PCNX1: variants seen among roughly 807,000 people sequenced by gnomAD.
PCNX1 encodes the protein pecanex-like protein 1.
Under a neutral mutation model 242.2 loss-of-function variants are expected in PCNX1, and 78 were observed. The observed-to-expected ratio is 0.32, with a 90% confidence interval of 0.27 to 0.39. The LOEUF is 0.39. Ranked by LOEUF, PCNX1 falls within the 10% of genes least tolerant of loss-of-function variation. PCNX1 has a pLI of 1.00. For synonymous variants in PCNX1, 1,024 were observed against 1,032.9 expected (o/e 0.99, Z 0.17); for missense variants, 2,581 against 2,856.5 (o/e 0.90, Z 2.20).
chr14:70,967,944 G>C (rs145343208), intron 3 of PCNX1, among the ~76,000 whole-genome samples: 1,694 of 152,132 alleles, frequency 0.011, 14 homozygotes, highest in South Asian at 0.017. Context: ...GCTCTGGGGG[G>C]GCTCCGTCAG....
intron 32 of PCNX1, among the ~76,000 whole-genome samples, chr14:71,104,349 G>A (rs535604314): frequency 1.1e-4 from 16 of 152,040 alleles, no homozygotes; most frequent in African/African-American, 2.4e-4. Flanking sequence ...TTCAATCTCC[G>A]CCCAAACAGA....
chr14:70,957,403 C>G (rs2058036884), intron 2 of PCNX1, among the ~76,000 whole-genome samples: 1 of 152,044 alleles, frequency 6.6e-6, no homozygotes, highest in Admixed American at 6.6e-5. Flanking sequence ...ACTGGATAAA[C>G]AAATGTGGTT....
rs376665388 is a variant in PCNX1 at position 70,916,840 on chromosome 14, G to A, written c.153+8837G>A. On this transcript the variant is annotated intron_variant, in intron 1 of 35. Coordinates refer to ENST00000304743, the MANE Select transcript of PCNX1 (RefSeq NM_014982.3). ...CTTTTCATGAAAGATTTATCTGTACGTGTAATGCTGCTTGATAGCGTTTTA... is the reference window on the plus strand; with the variant it reads ...CTTTTCATGAAAGATTTATCTGTACATGTAATGCTGCTTGATAGCGTTTTA... Among the ~76,000 whole-genome samples the A allele has an allele frequency of 5.2e-4, 79 of 152,262 alleles. 1 individual carries two copies. In the South Asian group the frequency reaches 0.015, roughly 28 times the overall value.
intron 11 of PCNX1, 115 bp from the exon 12 acceptor site, chr14:71,018,894 A>G (rs1484577893): frequency 1.2e-6 from 1 of 848,406 alleles, no homozygotes; most frequent in African/African-American, 1.7e-5. Flanking sequence ...CTCAGTACCA[A>G]AAAGACATCT....
At chr14:70,931,310 A>G (rs1216945951) in intron 1 of PCNX1, among the ~76,000 whole-genome samples, 1 of 152,254 alleles carries the variant, frequency 6.6e-6, no homozygotes, top group African/African-American at 2.4e-5. Flanking sequence ...CCAATTGGCC[A>G]TCTTAAGAGC....
At chr14:71,043,608 G>A (rs1042554254) in intron 19 of PCNX1, among the ~76,000 whole-genome samples, 2 of 145,646 alleles carry the variant, frequency 1.4e-5, no homozygotes, top group African/African-American at 5.1e-5. Context: ...CTAATCTATT[G>A]TTGAAGTTCT....
At chr14:71,099,599 A>G (rs532955234) in intron 30 of PCNX1, among the ~76,000 whole-genome samples, 144 of 152,298 alleles carry the variant, frequency 9.5e-4, no homozygotes, top group African/African-American at 2.9e-3. Flanking sequence ...ATTAGATCCA[A>G]TTGGCCAAGT....
intron 1 of PCNX1, among the ~76,000 whole-genome samples, chr14:70,919,120 A>G (rs528520995): frequency 3.9e-5 from 6 of 152,056 alleles, no homozygotes; most frequent in Admixed American, 2.6e-4. Flanking sequence ...CTGGCCTCAA[A>G]TGATCATTCT....
intron 6 of PCNX1, among the ~76,000 whole-genome samples, chr14:70,984,047 A>C (rs2140194832): frequency 6.6e-6 from 1 of 151,514 alleles, no homozygotes; most frequent in African/African-American, 2.4e-5. Context: ...TGTGTTTCAG[A>C]ATGTTTGCAG....
chr14:71,026,060 A>T, intron 13 of PCNX1, 57 bp from the exon 14 acceptor site: 1 of 1,090,132 alleles, frequency 9.2e-7, no homozygotes, highest in Non-Finnish European at 1.3e-6. Flanking sequence ...TGATACCAGT[A>T]GTTATTTGTG....
At chr14:70,908,668 C>T (rs2139968991) in intron 1 of PCNX1, among the ~76,000 whole-genome samples, 1 of 152,344 alleles carries the variant, frequency 6.6e-6, no homozygotes, top group African/African-American at 2.4e-5. Context: ...CTCTGTTCGG[C>T]CCCGTGGCCG....
At chr14:70,962,435 G>T in intron 3 of PCNX1, 104 bp downstream of exon 3, 11 of 637,690 alleles carry the variant, frequency 1.7e-5, no homozygotes, top group African/African-American at 3.7e-5. Context: ...ATATCTTTCT[G>T]ATTATTATTT....
intron 19 of PCNX1, among the ~76,000 whole-genome samples, chr14:71,036,668 CCT>C (rs1335634924): frequency 2.6e-5 from 4 of 152,148 alleles, no homozygotes; most frequent in African/African-American, 9.7e-5. Flanking sequence ...GATGACATTG[CCT>C]AAACACACAT....
chr14:70,967,681 GTACT>G (rs749624123), intron 3 of PCNX1, among the ~76,000 whole-genome samples: 5 of 152,094 alleles, frequency 3.3e-5, no homozygotes, highest in Non-Finnish European at 1.5e-5. Flanking sequence ...CTATAAAGAA[GTACT>G]TACTTTTGTC....
At position 71,036,066 on chromosome 14, in the gene PCNX1, G is replaced by A; in HGVS notation, c.3776G>A (p.Ser1259Asn). ...PLPEKLRNSV[S>N]ERLQSDLVVC... ...AATAATTCTTTTTTTTCCCCACAGA[G>A]TGAGCGATTACAGTCTGACCTGGTA... Residue 1259 changes from serine to asparagine, a missense_variant and splice_region_variant, in exon 19 of 36, where the codon AGT becomes AAT. Physicochemically the swap from Ser to Asn is conservative, Grantham distance 46. Transcript: ENST00000304743. 6.3e-7 allele frequency: 1 copy of A among 1,580,912 alleles called. No individual in the cohort carries two copies. The highest frequency in any genetic ancestry group is 8.7e-7 in the Non-Finnish European group (1 of 1,152,160).
intron 11 of PCNX1, among the ~76,000 whole-genome samples, chr14:71,014,229 A>G (rs542381505): frequency 6.6e-6 from 1 of 152,310 alleles, no homozygotes; most frequent in Non-Finnish European, 1.5e-5. Context: ...CTTCACACCC[A>G]CCTAACAAGT....
chr14:70,950,208 C>T (rs2057722309), intron 2 of PCNX1, among the ~76,000 whole-genome samples: 1 of 152,052 alleles, frequency 6.6e-6, no homozygotes, highest in African/African-American at 2.4e-5. Flanking sequence ...CTGAAATTAT[C>T]TTAACATTTA....
chr14:71,003,315 T>C (rs1243366487), intron 8 of PCNX1, among the ~76,000 whole-genome samples: 1 of 152,134 alleles, frequency 6.6e-6, no homozygotes, highest in African/African-American at 2.4e-5. Context: ...GGTCTCGAAC[T>C]CCTGACGTCA....
chr14:71,030,158 T>A (rs28534442), intron 16 of PCNX1, among the ~76,000 whole-genome samples: 2 of 152,190 alleles, frequency 1.3e-5, no homozygotes, highest in African/African-American at 2.4e-5. Flanking sequence ...ACAAGACTTA[T>A]AGCAAGAACA....
Sources: gnomAD v4.1 joint callset for allele counts (sites outside exome capture counted in the v4.1 genomes callset) on GRCh38, gnomAD v4.1.1 for gene constraint, MANE v1.5 for transcripts, NCBI Gene and HGNC (gene_info 2026-07-23, HGNC 2026-07-21) for gene names.